IL27RA: variants seen among roughly 807,000 people sequenced by gnomAD.
IL27RA encodes interleukin-27 receptor subunit alpha.
A neutral mutation model predicts 80.8 loss-of-function variants in IL27RA; 61 were observed. The observed-to-expected ratio is 0.76, with a 90% CI of 0.61 to 0.93. The LOEUF is 0.93. Ranked by LOEUF, IL27RA falls within the 40% of genes least tolerant of loss-of-function variation. IL27RA has a pLI of 0.00. For synonymous variants in IL27RA, 316 were observed against 332.5 expected (o/e 0.95, Z 0.54); for missense variants, 735 against 808.1 (o/e 0.91, Z 1.10).
intron 10 of IL27RA, among the ~76,000 whole-genome samples, 199 bp downstream of exon 10, chr19:14,049,513 T>C (rs946070684): frequency 5.3e-5 from 8 of 152,296 alleles, no homozygotes; most frequent in African/African-American, 1.9e-4. Flanking sequence ...TTATTGACAT[T>C]GAAAGATGCT....
In IL27RA at chr19:14,036,090, AAG is replaced by A. The variant is rs1364803977; in HGVS notation, c.219-3416_219-3415del. On this transcript the variant is annotated intron_variant, in intron 2 of 13. Transcript: ENST00000263379. ...ACCCGTCTCTATTAAAAAAAAAAAA[AAG>A]AAAGAAGAAGAAGAAGAAGAAGAGG... Among the ~76,000 whole-genome samples the A allele has an allele frequency of 2.6e-5, 4 of 151,132 alleles. No homozygotes were observed. The South Asian group carries it at 8.3e-4, about 31-fold the overall frequency.
chr19:14,032,234 G>T (rs552669804), intron 1 of IL27RA, 152 bp from the exon 2 acceptor site: 164 of 724,978 alleles, frequency 2.3e-4, no homozygotes, highest in Non-Finnish European at 3.7e-4. Flanking sequence ...TTTGCACGGA[G>T]CCCGGGCAGG....
chr19:14,039,770 C>T lies in IL27RA; in HGVS notation c.394C>T (p.Arg132Trp), dbSNP rs774876922. Residue 132 changes from arginine to tryptophan, a missense_variant, in exon 4 of 14, where the codon CGG (arginine) becomes TGG (tryptophan). Transcript: ENST00000263379. ...TTCCCCAGTGAAGCCAAACGCCCCCCGGCTGGGCCCTGACGTGGACTTTTC... is the reference window on the plus strand; with the variant it reads ...TTCCCCAGTGAAGCCAAACGCCCCCTGGCTGGGCCCTGACGTGGACTTTTC... The part of the protein sequence containing the change: ...LETQMKPNAP[R>W]LGPDVDFSED... 35 of 1,613,848 alleles carry T rather than the reference C, an allele frequency of 2.2e-5. 1 individual carries two copies. The highest frequency in any genetic ancestry group is 6.7e-5 in the African/African-American group (5 of 74,934).
In IL27RA at chr19:14,041,062, C is replaced by T. The variant is rs1975983634; in HGVS notation, c.534+1152C>T. Reference sequence around the variant, plus strand: ...GGGATTACAGGCATGTGCCATCATGCCCGGCTCATTTTGTATTTTCAGTAG... The same window carrying T: ...GGGATTACAGGCATGTGCCATCATGTCCGGCTCATTTTGTATTTTCAGTAG... On this transcript the variant is annotated intron_variant, in intron 4 of 13. Coordinates refer to ENST00000263379, the MANE Select transcript of IL27RA (RefSeq NM_004843.4). 2.0e-5 allele frequency among the ~76,000 whole-genome samples: 3 copies of T among 151,890 alleles called. No individual in the cohort carries two copies. In the South Asian group the frequency reaches 6.2e-4, roughly 32 times the overall value.
Position 14,048,093 on chromosome 19 carries a change from T to C in IL27RA, c.1142-888T>C, listed in dbSNP as rs7250051. On this transcript the variant is annotated intron_variant, in intron 8 of 13. Coordinates refer to ENST00000263379, the MANE Select transcript of IL27RA (RefSeq NM_004843.4). The stretch of plus-strand genomic sequence containing the variant: ...CCACCTCAGCGCCCTGAGGAGCTGG[T>C]ATTACAGGCATGCGCCACCAAGCCC... 1.4e-3 allele frequency among the ~76,000 whole-genome samples: 213 copies of C among 151,532 alleles called. 1 individual carries two copies. Among genetic ancestry groups the C allele is most frequent in the African/African-American group, 4.9e-3 (204 of 41,306 alleles).
chr19:14,032,108 G>A (rs1473497230), intron 1 of IL27RA, 136 bp downstream of exon 1: 1 of 822,222 alleles, frequency 1.2e-6, no homozygotes, highest in African/African-American at 1.7e-5. Flanking sequence ...TCCCGGGGCA[G>A]GGACCCGGCG....
chr19:14,050,298 T>C (rs1454040637), intron 10 of IL27RA, among the ~76,000 whole-genome samples: 1 of 152,112 alleles, frequency 6.6e-6, no homozygotes, highest in African/African-American at 2.4e-5. Context: ...GGTCAGGAGT[T>C]TGAGACCAGT....
intron 2 of IL27RA, 123 bp downstream of exon 2, chr19:14,032,626 TAAA>T (rs1422796053): frequency 3.9e-5 from 5 of 126,970 alleles, no homozygotes; most frequent in African/African-American, 8.8e-5. Flanking sequence ...CTGTCTATAC[TAAA>T]AATACAAAAA....
intron 10 of IL27RA, 27 bp from the exon 11 acceptor site, chr19:14,050,731 C>G: frequency 6.3e-7 from 1 of 1,596,296 alleles, no homozygotes; most frequent in Non-Finnish European, 8.6e-7. Flanking sequence ...TGACCACCTC[C>G]CCAACTTCTT....
chr19:14,048,266 TTATA>T (rs1333777943), intron 8 of IL27RA, among the ~76,000 whole-genome samples: 2 of 142,050 alleles, frequency 1.4e-5, no homozygotes, highest in Non-Finnish European at 3.0e-5. Flanking sequence ...CAAGAAATCT[TTATA>T]AATAAATAAA....
intron 12 of IL27RA, 22 bp downstream of exon 12, chr19:14,051,722 A>T: frequency 6.4e-7 from 1 of 1,558,988 alleles, no homozygotes; most frequent in Non-Finnish European, 8.8e-7. Context: ...GGATACATGC[A>T]TCTCTACCCA....
chr19:14,035,337 T>C (rs1975882110), intron 2 of IL27RA, among the ~76,000 whole-genome samples: 1 of 151,612 alleles, frequency 6.6e-6, no homozygotes, highest in Admixed American at 6.6e-5. Context: ...TCCAGTTCAG[T>C]GGCATTAAGT....
intron 11 of IL27RA, 42 bp downstream of exon 11, chr19:14,050,925 C>T (rs759376980): frequency 7.0e-6 from 11 of 1,577,576 alleles, no homozygotes; most frequent in Non-Finnish European, 9.5e-6. Context: ...AGGGGATGTA[C>T]TCCACAGTGG....
Position 14,046,141 on chromosome 19 carries a change from C to T in IL27RA, c.769-13C>T, listed in dbSNP as rs762116471. The stretch of plus-strand genomic sequence containing the variant: ...ATGGGAGACATTAACCCCTTTTTCC[C>T]TTCATCTCTCAGGCCCCAGGGCCCT... On this transcript the variant is annotated splice_polypyrimidine_tract_variant and intron_variant, in intron 6 of 13. Coordinates refer to ENST00000263379, the MANE Select transcript of IL27RA (RefSeq NM_004843.4). 2 of 1,604,094 alleles carry T rather than the reference C, an allele frequency of 1.2e-6. No homozygotes were observed. The highest frequency in any genetic ancestry group is 1.7e-5 in the Admixed American group (1 of 57,364).
At position 14,051,928 on chromosome 19, in the gene IL27RA, A is replaced by C. The variant is rs148749814; in HGVS notation, c.1671A>C (p.Lys557Asn). 1 of 1,589,552 alleles carries C rather than the reference A, an allele frequency of 6.3e-7. No individual in the cohort carries two copies. Among genetic ancestry groups the C allele is most frequent in the South Asian group, 1.1e-5 (1 of 87,888 alleles). Reference protein sequence around the residue: ...HKVLPRWVWEKVPDPANSSSG... With the variant: ...HKVLPRWVWENVPDPANSSSG... ...TGCTGCCCCGCTGGGTCTGGGAGAA[A>C]GTTCCTGATCCTGCCAACAGCAGTT... The change falls in exon 13 of 14, where the codon AAA becomes AAC. Residue 557 changes from lysine (K) to asparagine (N), a missense_variant. By Grantham distance (94) the Lys-to-Asn change is moderately conservative (BLOSUM62 0). Coordinates refer to ENST00000263379, the MANE Select transcript of IL27RA (RefSeq NM_004843.4).
At position 14,046,236 on chromosome 19, in the gene IL27RA, G is replaced by A; in HGVS notation, c.851G>A (p.Cys284Tyr). The stretch of plus-strand genomic sequence containing the variant: ...GAGCTGAGTCCAGAAGGAATTACCT[G>A]CTGCTGCTCCCTAATTCCCAGTGGG... ...GRELSPEGIT[C>Y]CCSLIPSGAE... Residue 284 changes from cysteine to tyrosine, a missense_variant, in exon 7 of 14, where the codon TGC (cysteine) becomes TAC (tyrosine). Transcript: ENST00000263379. 2 of 1,614,140 alleles carry A rather than the reference G, an allele frequency of 1.2e-6. No individual in the cohort carries two copies. Among genetic ancestry groups the A allele is most frequent in the Non-Finnish European group, 1.7e-6 (2 of 1,180,006 alleles).
chr19:14,034,800 A>C (rs552613980), intron 2 of IL27RA, among the ~76,000 whole-genome samples: 1 of 151,602 alleles, frequency 6.6e-6, no homozygotes, highest in South Asian at 2.1e-4. Context: ...AAAATACAAA[A>C]AAATTAGCTG....
chr19:14,045,775 A>G (rs1219222802), intron 6 of IL27RA, among the ~76,000 whole-genome samples: 1 of 151,588 alleles, frequency 6.6e-6, no homozygotes, highest in African/African-American at 2.4e-5. Context: ...CTGTAATCCT[A>G]GCACTTTGGG....
intron 6 of IL27RA, 25 bp downstream of exon 6, chr19:14,042,814 T>G: frequency 6.3e-7 from 1 of 1,599,524 alleles, no homozygotes; most frequent in Non-Finnish European, 8.6e-7. Flanking sequence ...CCAGTTACAT[T>G]TCTCTGCACG....
Sources: allele counts gnomAD v4.1 joint callset (sites outside exome capture counted in the v4.1 genomes callset), GRCh38; gene constraint gnomAD v4.1.1; transcripts MANE v1.5; gene names NCBI Gene and HGNC (gene_info 2026-07-23, HGNC 2026-07-21).